Variants in CNKSR2 observed in about 807,000 individuals in gnomAD.
The protein encoded by CNKSR2 is connector enhancer of kinase suppressor of Ras 2, also known as CNK homolog protein 2.
Under a neutral mutation model 84.4 loss-of-function variants are expected in CNKSR2, and 14 were observed. The ratio of observed to expected loss-of-function variants is 0.17; its 90% CI spans 0.11 to 0.26. The LOEUF is 0.26. Ranked by LOEUF, CNKSR2 falls within the 10% of genes least tolerant of loss-of-function variation. The pLI is 1.00. For missense variants in CNKSR2, 485 were observed against 771.2 expected (o/e 0.63, Z 4.40); for synonymous variants, 275 against 277.9 (o/e 0.99, Z 0.10).
In CNKSR2 at chrX:21,652,442, C is replaced by A. The variant is rs1251277666; in HGVS notation, c.3026C>A (p.Pro1009Gln). ...DICQNTTSNDPLSISSEVDVI... is the reference protein window; with the variant it reads ...DICQNTTSNDQLSISSEVDVI... ...TGTCAAAATACCACCTCAAATGACCCACTGAGTATTTCTTCTGAAGTAGAT... is the reference window on the plus strand; with the variant it reads ...TGTCAAAATACCACCTCAAATGACCAACTGAGTATTTCTTCTGAAGTAGAT... Residue 1009 changes from proline to glutamine, a missense_variant, in exon 22 of 22, where the codon CCA (proline) becomes CAA (glutamine). Pro to Gln is a moderately conservative substitution (Grantham distance 76). Around this residue, in one of 5 missense-constraint regions of CNKSR2, gnomAD observed 210 missense variants for 291.5 expected, o/e 0.72. Transcript: ENST00000379510. 2 of 1,207,802 alleles carry A rather than the reference C, an allele frequency of 1.7e-6. No homozygotes were observed. The highest frequency in any genetic ancestry group is 2.2e-6 in the Non-Finnish European group (2 of 893,112).
intron 11 of CNKSR2, among the ~76,000 whole-genome samples, chrX:21,545,370 T>G (rs1373375619): frequency 8.9e-6 from 1 of 112,184 alleles, no homozygotes; most frequent in East Asian, 2.8e-4. Flanking sequence ...TTCCTCTAGA[T>G]TCTTCCTCTC....
intron 20 of CNKSR2, chrX:21,645,041 C>A (rs1486594639): frequency 2.7e-5 from 3 of 111,733 alleles, no homozygotes; most frequent in Non-Finnish European, 3.8e-5. Flanking sequence ...CTATTCTTTT[C>A]TTTGGGCTTT....
intron 13 of CNKSR2, among the ~76,000 whole-genome samples, chrX:21,590,271 C>T (rs781585546): frequency 1.8e-5 from 2 of 111,749 alleles, no homozygotes; most frequent in Non-Finnish European, 3.8e-5. Flanking sequence ...ACAATATACC[C>T]GTGAAAAGGT....
At chrX:21,514,461 C>T (rs953484135) in intron 8 of CNKSR2, among the ~76,000 whole-genome samples, 8 of 111,786 alleles carry the variant, frequency 7.2e-5, no homozygotes, top group African/African-American at 2.3e-4. Flanking sequence ...TTGTCAGAAA[C>T]CAATTCTACT....
At position 21,516,308 on chromosome X, in the gene CNKSR2, A is replaced by G. The variant is rs192368770; in HGVS notation, c.811-177A>G. 1.6e-3 allele frequency among the ~76,000 whole-genome samples: 174 copies of G among 111,621 alleles called. 1 individual carries two copies. The highest frequency in any genetic ancestry group is 4.9e-3 in the Admixed American group (51 of 10,472). ...TCTGGTAATGATATGGACTAATGCAATAATATGGTTAATCAATTCAAAGAT... is the reference window on the plus strand; with the variant it reads ...TCTGGTAATGATATGGACTAATGCAGTAATATGGTTAATCAATTCAAAGAT... On this transcript the variant is annotated intron_variant, in intron 8 of 21. Transcript: ENST00000379510.
chrX:21,504,834 CTG>C (rs2091596469), intron 8 of CNKSR2: 1 of 295,679 alleles, frequency 3.4e-6, no homozygotes, highest in Non-Finnish European at 5.9e-6. Flanking sequence ...GGCTGAGAAA[CTG>C]TGGCTGCCAG....
intron 3 of CNKSR2, 60 bp from the exon 4 acceptor site, chrX:21,440,634 T>C: frequency 5.3e-6 from 3 of 561,030 alleles, no homozygotes; most frequent in Non-Finnish European, 8.6e-6. Flanking sequence ...TAGGCTACTA[T>C]ATTTTGGGAC....
At chrX:21,414,368 T>C (rs1223434809) in intron 1 of CNKSR2, among the ~76,000 whole-genome samples, 1 of 111,485 alleles carries the variant, frequency 9.0e-6, no homozygotes, top group African/African-American at 3.3e-5. Context: ...TTGTATGTCT[T>C]TTGAGAACTG....
chrX:21,605,978 A>G (rs2062601184), intron 18 of CNKSR2, among the ~76,000 whole-genome samples: 1 of 111,975 alleles, frequency 8.9e-6, no homozygotes, highest in African/African-American at 3.2e-5. Context: ...GGGTGGTTGG[A>G]ATATTACTGG....
chrX:21,594,564 G>A (rs1464442892), intron 15 of CNKSR2: 1 of 112,592 alleles, frequency 8.9e-6, no homozygotes, highest in Admixed American at 9.5e-5. Context: ...TTGAATCAGT[G>A]AACATCCCTA....
intron 20 of CNKSR2, among the ~76,000 whole-genome samples, chrX:21,633,266 G>C (rs2092656192): frequency 9.0e-6 from 1 of 111,203 alleles, no homozygotes; most frequent in Admixed American, 9.6e-5. Context: ...TCATGGTTGT[G>C]TTTTTTACCC....
At chrX:21,603,216 C>A (rs996340166) in intron 18 of CNKSR2, among the ~76,000 whole-genome samples, 5 of 112,132 alleles carry the variant, frequency 4.5e-5, no homozygotes, top group African/African-American at 6.5e-5. Context: ...TGCAATACAA[C>A]CAGAATCTCT....
intron 1 of CNKSR2, among the ~76,000 whole-genome samples, chrX:21,389,694 A>G (rs1189146520): frequency 4.5e-5 from 5 of 112,204 alleles, no homozygotes; most frequent in Non-Finnish European, 9.4e-5. Flanking sequence ...ATAACCCAGT[A>G]CTACTCATAA....
intron 11 of CNKSR2, chrX:21,538,306 T>C (rs966849106): frequency 4.5e-5 from 5 of 112,120 alleles, no homozygotes; most frequent in Admixed American, 9.5e-5. Context: ...TCCACTGTTA[T>C]TCTGATGGAG....
In CNKSR2 at chrX:21,446,471, TAA is replaced by T. The variant is rs2090856773; in HGVS notation, c.519+5691_519+5692del. ...TTTCTGAAGGCTCAGAATGAAGAGATAAGAGTGATGACATCATTGCATACTAA... is the reference window on the plus strand; with the variant it reads ...TTTCTGAAGGCTCAGAATGAAGAGATGAGTGATGACATCATTGCATACTAA... On this transcript the variant is annotated intron_variant, in intron 4 of 21. Coordinates refer to ENST00000379510, the MANE Select transcript of CNKSR2 (RefSeq NM_014927.5). 2.7e-5 allele frequency among the ~76,000 whole-genome samples: 3 copies of T among 111,039 alleles called. No individual in the cohort carries two copies. The South Asian group carries it at 1.1e-3, about 42-fold the overall frequency.
rs3217648 is a variant in CNKSR2 at position 21,374,594 on chromosome X, G to GGCA, written c.-268_-266dup. The GGCA allele has an allele frequency of 0.026, 11,747 of 453,939 alleles. 112 individuals are homozygous for GGCA. The highest frequency in any genetic ancestry group is 0.039 in the African/African-American group (1,478 of 38,362). 37.4% of individuals were successfully genotyped at this position (453,939 alleles called of 1,213,427 possible). On this transcript the variant is annotated 5_prime_UTR_variant, in exon 1 of 22. Transcript: ENST00000379510. ...ACGGAGACCGGAGCGGAGCGGCGGA[G>GGCA]GCAGCAGCAGCAGCAGCAGCAGCAG...
In CNKSR2 at chrX:21,609,625, T is replaced by C; in HGVS notation, c.2692+8T>C. 1 of 1,177,639 alleles carries C rather than the reference T, an allele frequency of 8.5e-7. No homozygotes were observed. Among genetic ancestry groups the C allele is most frequent in the Non-Finnish European group, 1.1e-6 (1 of 881,435 alleles). On this transcript the variant is annotated splice_region_variant and intron_variant, in intron 20 of 21. Transcript: ENST00000379510. ...AAAACATAGGAGAAAAAAGTAAGTA[T>C]GTTTCTGGAGATTCTTAGCCTGTGT...
At chrX:21,380,007 G>C (rs2089874550) in intron 1 of CNKSR2, among the ~76,000 whole-genome samples, 1 of 111,265 alleles carries the variant, frequency 9.0e-6, no homozygotes, top group South Asian at 3.8e-4. Flanking sequence ...ACTAAAGGGG[G>C]GTTGTATATA....
At chrX:21,628,834 C>T (rs1215451574) in intron 20 of CNKSR2, among the ~76,000 whole-genome samples, 7 of 112,413 alleles carry the variant, frequency 6.2e-5, no homozygotes, top group Non-Finnish European at 1.1e-4. Context: ...TCCCCATTGT[C>T]TTGGTGATTA....
Sources: allele counts gnomAD v4.1 joint callset (sites outside exome capture counted in the v4.1 genomes callset), GRCh38; gene constraint gnomAD v4.1.1; regional missense constraint gnomAD v4.1.1; transcripts MANE v1.5; gene names NCBI Gene and HGNC (gene_info 2026-07-23, HGNC 2026-07-21).